The following BCKDHB variants were observed in gnomAD, a reference collection of about 807,000 sequenced individuals.
The protein encoded by BCKDHB is 2-oxoisovalerate dehydrogenase subunit beta, mitochondrial.
A neutral mutation model predicts 48.5 loss-of-function variants in BCKDHB; 41 were observed. That is an observed-to-expected ratio of 0.85 (90% CI 0.66 to 1.10). BCKDHB has a LOEUF of 1.10. Ranked by LOEUF, BCKDHB falls within the 50% of genes least tolerant of loss-of-function variation. BCKDHB has a pLI of 0.00. For missense variants in BCKDHB, 496 were observed against 494.2 expected, an observed-to-expected ratio of 1.00 and a Z score of -0.03; for synonymous variants, 201 against 174.8, an observed-to-expected ratio of 1.15 and a Z score of -1.18.
At chr6:80,265,123 A>G (rs915960114) in intron 8 of BCKDHB, among the ~76,000 whole-genome samples, 30 of 152,124 alleles carry the variant, frequency 2.0e-4, no homozygotes, top group Admixed American at 1.6e-3. Flanking sequence ...GTAAAATGGT[A>G]TAGCCTCTGT....
In BCKDHB at chr6:80,344,089, C is replaced by G. The variant is rs370299995; in HGVS notation, c.*285C>G. 5.2e-4 allele frequency: 222 copies of G among 423,026 alleles called. No individual in the cohort carries two copies. Among genetic ancestry groups the G allele is most frequent in the African/African-American group, 3.1e-3 (152 of 49,612 alleles). The allele number at this position is 423,026 out of a possible 1,614,324, so 26.2% of individuals were successfully genotyped here. On this transcript the variant is annotated 3_prime_UTR_variant, in exon 10 of 10. Transcript: ENST00000320393. The stretch of plus-strand genomic sequence containing the variant: ...AATCTCAGCTCACTGCAACCTCCCC[C>G]CTACCCCTGAGTTCAAGCGATTCTC...
intron 4 of BCKDHB, among the ~76,000 whole-genome samples, chr6:80,168,648 G>C (rs1197060529): frequency 6.9e-6 from 1 of 144,988 alleles, no homozygotes; most frequent in Non-Finnish European, 1.5e-5. Flanking sequence ...ACGAGACCCT[G>C]TCTTAAGAAA....
At chr6:80,445,409 CA>C in the BCKDHB span, among the ~76,000 whole-genome samples, 3 of 152,110 alleles carry the variant, frequency 2.0e-5, no homozygotes, top group African/African-American at 7.2e-5. Flanking sequence ...AAAAGACCCA[CA>C]AGGATTCACT....
the BCKDHB span, among the ~76,000 whole-genome samples, chr6:80,360,655 C>T: frequency 0.45 from 67,665 of 151,874 alleles, 15,364 homozygotes; most frequent in East Asian, 0.56. Context: ...TACTTGTTGG[C>T]TTAAGCAAGT....
In BCKDHB at chr6:80,346,029, A is replaced by G. The variant is rs1385442799; in HGVS notation, c.*2225A>G. The G allele has an allele frequency of 6.6e-6, 1 of 152,122 alleles. No homozygotes were observed. The highest frequency in any genetic ancestry group is 1.5e-5 in the Non-Finnish European group (1 of 68,004). 9.4% of individuals were successfully genotyped at this position (152,122 alleles called of 1,614,324 possible). ...AAATATTTTTTCTGAATTTTTTTTT[A>G]TATTTCCTCCGACTTACCTCTTTTT... On this transcript the variant is annotated 3_prime_UTR_variant, in exon 10 of 10. Transcript: ENST00000320393.
the BCKDHB span, among the ~76,000 whole-genome samples, chr6:80,435,381 A>G: frequency 2.0e-5 from 3 of 152,198 alleles, no homozygotes; most frequent in East Asian, 5.8e-4. Flanking sequence ...CCAGGACCAA[A>G]TCATAGCTCT....
At position 80,203,180 on chromosome 6, in the gene BCKDHB, A is replaced by G. The variant is rs1382196138; in HGVS notation, c.919A>G (p.Ile307Val). Residue 307 changes from isoleucine to valine, a missense_variant, in exon 8 of 10, where the codon ATA becomes GTA. Transcript: ENST00000320393. ...TTGTGAAGTCATTGATCTGAGGACTATAATACCTTGGGATGTGGACACAAT... is the reference window on the plus strand; with the variant it reads ...TTGTGAAGTCATTGATCTGAGGACTGTAATACCTTGGGATGTGGACACAAT... ...VSCEVIDLRT[I>V]IPWDVDTICK... 9.3e-6 allele frequency: 15 copies of G among 1,611,544 alleles called. No individual in the cohort carries two copies. Among genetic ancestry groups the G allele is most frequent in the Middle Eastern group, 1.7e-4 (1 of 6,054 alleles).
chr6:80,398,659 A>G, the BCKDHB span, among the ~76,000 whole-genome samples: 54,444 of 151,330 alleles, frequency 0.36, 11,472 homozygotes, highest in East Asian at 0.65. Flanking sequence ...TACCAGATGT[A>G]CAACAAAGAG....
intron 8 of BCKDHB, among the ~76,000 whole-genome samples, chr6:80,239,977 C>T (rs1159110079): frequency 6.6e-6 from 1 of 152,148 alleles, no homozygotes; most frequent in African/African-American, 2.4e-5. Flanking sequence ...TGTTTTGGTA[C>T]CAGTACCATG....
chr6:80,290,097 G>T (rs1018333395), intron 9 of BCKDHB, among the ~76,000 whole-genome samples: 1 of 152,182 alleles, frequency 6.6e-6, no homozygotes, highest in African/African-American at 2.4e-5. Context: ...AAGCACATTG[G>T]ATCCTCCCAG....
At chr6:80,220,320 T>TTTG (rs1554197709) in intron 8 of BCKDHB, among the ~76,000 whole-genome samples, 3 of 141,480 alleles carry the variant, frequency 2.1e-5, no homozygotes, top group Non-Finnish European at 4.7e-5. Flanking sequence ...TTTTTTTTTT[T>TTTG]GTCATGTATT....
At chr6:80,367,213 T>C in the BCKDHB span, among the ~76,000 whole-genome samples, 3 of 152,124 alleles carry the variant, frequency 2.0e-5, no homozygotes, top group Non-Finnish European at 4.4e-5. Flanking sequence ...GCACTTTCTC[T>C]CGATTTGTCA....
intron 9 of BCKDHB, among the ~76,000 whole-genome samples, chr6:80,336,983 ATTGTTTAAAGCAT>A (rs1167796052): frequency 6.6e-6 from 1 of 152,086 alleles, no homozygotes; most frequent in Non-Finnish European, 1.5e-5. Flanking sequence ...CATGATATGT[ATTGTTTAAAGCAT>A]TAGCTTAAAT....
the BCKDHB span, chr6:80,374,190 C>T: frequency 1.4e-6 from 1 of 724,040 alleles, no homozygotes; most frequent in South Asian, 1.3e-5. Context: ...GTAGGTCTGG[C>T]AGCACATCTT....
intron 8 of BCKDHB, among the ~76,000 whole-genome samples, chr6:80,223,269 G>C (rs188469860): frequency 1.3e-4 from 20 of 152,202 alleles, no homozygotes; most frequent in African/African-American, 4.6e-4. Flanking sequence ...TATGAGTGGG[G>C]TGAACTCTCA....
At chr6:80,402,779 T>A in the BCKDHB span, among the ~76,000 whole-genome samples, 2 of 151,878 alleles carry the variant, frequency 1.3e-5, no homozygotes, top group African/African-American at 4.8e-5. Context: ...TTGACTTTTG[T>A]GTATGGTGTA....
chr6:80,362,717 G>T, the BCKDHB span, among the ~76,000 whole-genome samples: 29 of 152,278 alleles, frequency 1.9e-4, no homozygotes, highest in Non-Finnish European at 3.1e-4. Context: ...ATAGGTAGGG[G>T]CACATGAGAG....
At chr6:80,294,621 A>G (rs6902457) in intron 9 of BCKDHB, among the ~76,000 whole-genome samples, 121,407 of 152,050 alleles carry the variant, frequency 0.8, 48,638 homozygotes, top group Admixed American at 0.87. Flanking sequence ...TCTATAAACG[A>G]CCACTCTGGG....
intron 8 of BCKDHB, among the ~76,000 whole-genome samples, chr6:80,240,985 T>C (rs950731229): frequency 6.6e-6 from 1 of 152,138 alleles, no homozygotes; most frequent in Non-Finnish European, 1.5e-5. Context: ...CTCTTCTCAC[T>C]TCACTTCATT....
Sources: allele counts gnomAD v4.1 joint callset (sites outside exome capture counted in the v4.1 genomes callset), GRCh38; gene constraint gnomAD v4.1.1; transcripts MANE v1.5; gene names NCBI Gene and HGNC (gene_info 2026-07-23, HGNC 2026-07-21).